OTOGL: variants seen among roughly 807,000 people sequenced by gnomAD.
The protein encoded by OTOGL is otogelin-like protein.
In OTOGL, 285 loss-of-function variants were observed where a neutral mutation model predicts 318.5. The ratio of observed to expected loss-of-function variants is 0.89; its 90% CI spans 0.81 to 0.99. The LOEUF (loss-of-function observed/expected upper bound fraction) is 0.99. Among genes scored for constraint, OTOGL ranks in the 50% least tolerant of loss-of-function variants. The pLI is 0.00. For missense variants in OTOGL, 2,899 were observed against 2,845.6 expected (o/e 1.02, Z -0.43); for synonymous variants, 987 against 936.5 (o/e 1.05, Z -0.99).
At chr12:80,289,151 T>A (rs1398344059) in intron 26 of OTOGL, among the ~76,000 whole-genome samples, 1 of 152,186 alleles carries the variant, frequency 6.6e-6, no homozygotes, top group Non-Finnish European at 1.5e-5. Flanking sequence ...CAGTCAGGGC[T>A]CTCTTCTGCA....
chr12:80,251,569 G>T, intron 11 of OTOGL, 124 bp from the exon 12 acceptor site: 1 of 663,280 alleles, frequency 1.5e-6, no homozygotes. Flanking sequence ...TGACACATAT[G>T]CTGACATCAA....
chr12:80,265,059 C>T lies in OTOGL; in HGVS notation c.2073C>T (p.Ile691=). Residue 691 remains isoleucine (I), a synonymous_variant, in exon 20 of 59, where the codon ATC becomes ATT. Transcript: ENST00000547103. The stretch of plus-strand genomic sequence containing the variant: ...AGGAGCTCTTTGCTCCTTGCCACAT[C>T]TATATTAGCCCTGGGCTGTACTATC... ...IHQELFAPCH[I]YISPGLYYQL... 1 of 1,613,908 alleles carries T rather than the reference C, an allele frequency of 6.2e-7. No homozygotes were observed.
Position 80,235,426 on chromosome 12 carries a change from C to A in OTOGL, c.817+2329C>A, listed in dbSNP as rs138151360. Among the ~76,000 whole-genome samples the A allele has an allele frequency of 3.7e-3, 517 of 139,034 alleles. 4 individuals carry two copies. Among genetic ancestry groups the A allele is most frequent in the African/African-American group, 0.013 (501 of 37,720 alleles). The allele number at this position is 139,034 out of a possible 152,430, so 91.2% of individuals were successfully genotyped here. A position where few individuals can be genotyped will look rare whatever the true frequency, so the allele number is the denominator to read the frequency against. Reference sequence around the variant, plus strand: ...GCTGCAGTGAGCAGAGACCATCATGCCACTGCACTCCAGCCTGGACAACAG... The same window carrying A: ...GCTGCAGTGAGCAGAGACCATCATGACACTGCACTCCAGCCTGGACAACAG... On this transcript the variant is annotated intron_variant, in intron 9 of 58. Coordinates refer to ENST00000547103, the MANE Select transcript of OTOGL (RefSeq NM_001378609.3).
intron 55 of OTOGL, among the ~76,000 whole-genome samples, chr12:80,369,347 G>T (rs888492567): frequency 1.3e-5 from 2 of 151,984 alleles, no homozygotes; most frequent in African/African-American, 4.8e-5. Context: ...AATCCTTTAA[G>T]ATTATATCTA....
At chr12:80,178,700 T>G (rs911916615) in intron 1 of OTOGL, among the ~76,000 whole-genome samples, 24 of 152,178 alleles carry the variant, frequency 1.6e-4, no homozygotes, top group African/African-American at 5.5e-4. Flanking sequence ...AGTATCTGAG[T>G]ATGTTTCATA....
Position 80,239,797 on chromosome 12 carries a change from C to A in OTOGL, c.1052+358C>A, listed in dbSNP as rs80013059. On this transcript the variant is annotated intron_variant, in intron 11 of 58. Transcript: ENST00000547103. ...ACAATTGATTAATGTTAGCTATAGT[C>A]CCCCCTACTTTTCTATCCAACACCA... Among the ~76,000 whole-genome samples the A allele has an allele frequency of 1.2e-3, 177 of 152,000 alleles. 3 individuals are homozygous for A. In the East Asian group the frequency reaches 0.028, roughly 24 times the overall value.
chr12:80,340,047 C>T (rs917235393), intron 43 of OTOGL, among the ~76,000 whole-genome samples: 1 of 152,122 alleles, frequency 6.6e-6, no homozygotes, highest in Non-Finnish European at 1.5e-5. Context: ...GTTTGGATTA[C>T]ATGTGAAAGT....
intron 51 of OTOGL, 42 bp from the exon 52 acceptor site, chr12:80,358,818 A>G: frequency 6.5e-7 from 1 of 1,549,492 alleles, no homozygotes; most frequent in Non-Finnish European, 8.8e-7. Context: ...TAATAAGTTA[A>G]TTATTTTGAT....
At chr12:80,144,049 T>C (rs1872140340) in intron 1 of OTOGL, among the ~76,000 whole-genome samples, 1 of 131,166 alleles carries the variant, frequency 7.6e-6, no homozygotes, top group Non-Finnish European at 1.6e-5. Context: ...GTGCTTTTCT[T>C]TTTTTTTTTT....
At chr12:80,377,603 T>A (rs901906331) in intron 58 of OTOGL, among the ~76,000 whole-genome samples, 1 of 152,118 alleles carries the variant, frequency 6.6e-6, no homozygotes, top group Non-Finnish European at 1.5e-5. Flanking sequence ...CCATATAGAT[T>A]TATGTTGAGT....
At chr12:80,124,486 T>C (rs192991574) in intron 1 of OTOGL, among the ~76,000 whole-genome samples, 147 of 152,306 alleles carry the variant, frequency 9.7e-4, no homozygotes, top group African/African-American at 3.4e-3. Context: ...CCTCCAGCTT[T>C]GTTCTTTTGG....
chr12:80,336,003 T>C lies in OTOGL; in HGVS notation c.4463T>C (p.Ile1488Thr), dbSNP rs762816062. ...FDPVYDCSQY[I>T]CLNMEWQLYN... ...CCTGTTTATGATTGTAGCCAATACA[T>C]ATGCCTTAATATGGAATGGCAGTTA... The change falls in exon 39 of 59, where the codon ATA (isoleucine) becomes ACA (threonine). Residue 1488 changes from isoleucine to threonine, a missense_variant. Physicochemically the swap from Ile to Thr is moderately conservative, Grantham distance 89. Transcript: ENST00000547103. 6.3e-7 allele frequency: 1 copy of C among 1,597,674 alleles called. No homozygotes were observed. Among genetic ancestry groups the C allele is most frequent in the Non-Finnish European group, 8.5e-7 (1 of 1,178,958 alleles).
intron 1 of OTOGL, among the ~76,000 whole-genome samples, chr12:80,153,088 C>A (rs1254217402): frequency 1.3e-5 from 2 of 152,152 alleles, no homozygotes; most frequent in African/African-American, 4.8e-5. Flanking sequence ...CAGAGATTTC[C>A]CATATATTCC....
At chr12:80,179,394 GC>G (rs1874761275) in intron 1 of OTOGL, among the ~76,000 whole-genome samples, 1 of 152,078 alleles carries the variant, frequency 6.6e-6, no homozygotes, top group African/African-American at 2.4e-5. Context: ...TTTCTATAAG[GC>G]CTGTAGCCTG....
rs937283767 is a variant in OTOGL, at chr12:80,368,157, A to G, written c.6511-48A>G. ...AGAAATAACTCTCCAGAAGTAATTCATTAAAAATATTGATATGGTGTCGCT... is the reference window on the plus strand; with the variant it reads ...AGAAATAACTCTCCAGAAGTAATTCGTTAAAAATATTGATATGGTGTCGCT... On this transcript the variant is annotated intron_variant, in intron 54 of 58. Transcript: ENST00000547103. 11 of 1,330,270 alleles carry G rather than the reference A, an allele frequency of 8.3e-6. No homozygotes were observed. In the African/African-American group the frequency reaches 1.3e-4, roughly 16 times the overall value. 82.4% of individuals were successfully genotyped at this position (1,330,270 alleles called of 1,614,324 possible). A position where few individuals can be genotyped will look rare whatever the true frequency, so the allele number is the denominator to read the frequency against.
chr12:80,312,913 G>A (rs527936895), intron 30 of OTOGL, among the ~76,000 whole-genome samples: 1 of 152,248 alleles, frequency 6.6e-6, no homozygotes, highest in African/African-American at 2.4e-5. Flanking sequence ...CCGGGTTCAA[G>A]TGATTCTCCT....
intron 29 of OTOGL, among the ~76,000 whole-genome samples, chr12:80,307,798 C>T (rs1471171902): frequency 7.4e-6 from 1 of 135,836 alleles, no homozygotes; most frequent in African/African-American, 2.8e-5. Context: ...GGGCTCCTCA[C>T]TTCCCAGTAG....
At chr12:80,350,625 T>A (rs1889484429) in intron 44 of OTOGL, among the ~76,000 whole-genome samples, 1 of 152,204 alleles carries the variant, frequency 6.6e-6, no homozygotes, top group Non-Finnish European at 1.5e-5. Context: ...TATCACATTG[T>A]GGTTTTAATT....
chr12:80,264,038 T>C (rs1022953182), intron 19 of OTOGL, among the ~76,000 whole-genome samples: 2 of 152,158 alleles, frequency 1.3e-5, no homozygotes, highest in African/African-American at 4.8e-5. Flanking sequence ...TAAATATATG[T>C]AATATACTCA....
Sources: gnomAD v4.1 joint callset for allele counts (sites outside exome capture counted in the v4.1 genomes callset) on GRCh38, gnomAD v4.1.1 for gene constraint, MANE v1.5 for transcripts, NCBI Gene and HGNC (gene_info 2026-07-23, HGNC 2026-07-21) for gene names.